DRC12: variants seen among roughly 807,000 people sequenced by gnomAD.
DRC12 encodes dynein regulatory complex protein 12.
At chr11:119,192,044 C>T in the DRC12 span, among the ~76,000 whole-genome samples, 36 of 150,190 alleles carry the variant, frequency 2.4e-4, no homozygotes, top group Middle Eastern at 3.4e-3. Flanking sequence ...GGTGCGATCT[C>T]GGCTCACTGC....
At chr11:119,194,475 C>T in the DRC12 span, among the ~76,000 whole-genome samples, 1 of 132,392 alleles carries the variant, frequency 7.6e-6, no homozygotes, top group African/African-American at 2.9e-5. Flanking sequence ...GATCACACCA[C>T]TGCACTCCAG....
At chr11:119,193,597 G>A in the DRC12 span, 2 of 1,437,920 alleles carry the variant, frequency 1.4e-6, no homozygotes, top group Non-Finnish European at 1.8e-6. Context: ...GAACCTACCT[G>A]CCTTTGGTTC....
At chr11:119,191,527 C>A in the DRC12 span, among the ~76,000 whole-genome samples, 1 of 151,454 alleles carries the variant, frequency 6.6e-6, no homozygotes, top group Non-Finnish European at 1.5e-5. Context: ...GATTCATTGG[C>A]CGGGTGCGGT....
the DRC12 span, chr11:119,195,067 C>G: frequency 1.5e-6 from 2 of 1,295,094 alleles, no homozygotes. Flanking sequence ...ATCCTCACCC[C>G]ACACCCTGCA....
chr11:119,194,000 C>T, the DRC12 span: 1 of 994,224 alleles, frequency 1.0e-6, no homozygotes, highest in South Asian at 1.6e-5. Context: ...TGTCCAGCCT[C>T]TTACTCTCTC....
chr11:119,190,746 C>G, the DRC12 span: 1 of 1,614,106 alleles, frequency 6.2e-7, no homozygotes, highest in Non-Finnish European at 8.5e-7. The surrounding 1 kb of genome is among the most constrained non-coding windows in gnomAD (Gnocchi z 4.2). Flanking sequence ...CCATGTCTGC[C>G]ATGTGGGCCC....
At chr11:119,191,794 T>G in the DRC12 span, among the ~76,000 whole-genome samples, 1 of 151,224 alleles carries the variant, frequency 6.6e-6, no homozygotes, top group South Asian at 2.1e-4. Context: ...GCGACCAGAG[T>G]GAAACTCCGT....
chr11:119,195,077 A>C, the DRC12 span: 32 of 1,211,536 alleles, frequency 2.6e-5, no homozygotes, highest in Non-Finnish European at 3.4e-5. Context: ...CACACCCTGC[A>C]CTTTTGCCAC....
the DRC12 span, chr11:119,195,385 A>G: frequency 6.5e-7 from 1 of 1,530,560 alleles, no homozygotes; most frequent in Non-Finnish European, 8.9e-7. Context: ...ATGGCAGAAC[A>G]TGGAGAAGCA....
At chr11:119,192,124 C>T in the DRC12 span, among the ~76,000 whole-genome samples, 14 of 152,092 alleles carry the variant, frequency 9.2e-5, no homozygotes, top group East Asian at 3.9e-4. Context: ...TACAGGCACA[C>T]GCCACCATGC....
chr11:119,193,482 C>G, the DRC12 span: 1 of 1,176,762 alleles, frequency 8.5e-7, no homozygotes, highest in Non-Finnish European at 1.2e-6. Context: ...CCCTTCTCCC[C>G]GCCCATGGGC....
chr11:119,190,949 C>T, the DRC12 span: 1 of 1,298,558 alleles, frequency 7.7e-7, no homozygotes, highest in Non-Finnish European at 1.0e-6. The surrounding 1 kb of genome is among the most constrained non-coding windows in gnomAD (Gnocchi z 4.2). Flanking sequence ...TCCAGACTCC[C>T]CCAGCATCAC....
At chr11:119,190,611 C>T in the DRC12 span, 3 of 1,560,890 alleles carry the variant, frequency 1.9e-6, no homozygotes, top group African/African-American at 2.7e-5. This position sits in a 1 kb window ranked among gnomAD's most constrained non-coding sequence, Gnocchi z 4.2. Flanking sequence ...CGCTCCTTCT[C>T]CTTAACCCTG....
At chr11:119,193,595 C>T in the DRC12 span, 10 of 1,437,146 alleles carry the variant, frequency 7.0e-6, no homozygotes, top group Non-Finnish European at 9.1e-6. Context: ...AGGAACCTAC[C>T]TGCCTTTGGT....
At chr11:119,191,979 T>C in the DRC12 span, among the ~76,000 whole-genome samples, 1 of 27,238 alleles carries the variant, frequency 3.7e-5, no homozygotes, top group African/African-American at 2.4e-4. Flanking sequence ...CCGAAGGCCT[T>C]TTTTTTTTTT....
chr11:119,195,307 G>C, the DRC12 span: 1 of 928,116 alleles, frequency 1.1e-6, no homozygotes, highest in East Asian at 2.6e-5. Flanking sequence ...GAAAGAGGTA[G>C]GTCAAGAGAG....
chr11:119,191,977 CTTTTT>C, the DRC12 span, among the ~76,000 whole-genome samples: 1 of 137,336 alleles, frequency 7.3e-6, no homozygotes, highest in African/African-American at 2.7e-5. Flanking sequence ...AACCGAAGGC[CTTTTT>C]TTTTTTTTTT....
At chr11:119,193,680 G>A in the DRC12 span, 5 of 1,521,918 alleles carry the variant, frequency 3.3e-6, no homozygotes, top group Non-Finnish European at 3.5e-6. Context: ...AGCCCTCCTT[G>A]TTTCCCTTCC....
chr11:119,195,663 G>C, the DRC12 span: 1 of 604,362 alleles, frequency 1.7e-6, no homozygotes, highest in Non-Finnish European at 2.9e-6. Flanking sequence ...TGGGGTCAGT[G>C]GGGAGGATGG....
Sources: allele counts gnomAD v4.1 joint callset (sites outside exome capture counted in the v4.1 genomes callset), GRCh38; gene constraint gnomAD v4.1.1; non-coding constraint Gnocchi (gnomAD v3.1); transcripts MANE v1.5; gene names NCBI Gene and HGNC (gene_info 2026-07-23, HGNC 2026-07-21).